The following RALA variants were observed in gnomAD, a reference collection of about 807,000 sequenced individuals.
RALA encodes ras-related protein Ral-A.
A neutral mutation model predicts 24.0 loss-of-function variants in RALA; 5 were observed. The ratio of observed to expected loss-of-function variants is 0.21; its 90% CI spans 0.11 to 0.44. The LOEUF is 0.44. RALA is among the 20% of genes least tolerant of loss of function. RALA has a pLI of 0.99. For missense variants in RALA, 95 were observed against 241.2 expected (o/e 0.39, Z 4.01); for synonymous variants, 77 against 83.8 (o/e 0.92, Z 0.44).
chr7:39,644,827 C>T (rs1562609943), intron 1 of RALA, among the ~76,000 whole-genome samples: 1 of 152,076 alleles, frequency 6.6e-6, no homozygotes. Context: ...GTTTAAAACC[C>T]AGAAGTAATG....
intron 3 of RALA, among the ~76,000 whole-genome samples, chr7:39,693,686 C>T (rs1792871145): frequency 6.6e-6 from 1 of 152,190 alleles, no homozygotes; most frequent in Non-Finnish European, 1.5e-5. Context: ...ACAAGTACTG[C>T]ATATATTTAA....
chr7:39,642,315 C>T (rs540426892), intron 1 of RALA, among the ~76,000 whole-genome samples: 19 of 152,116 alleles, frequency 1.2e-4, no homozygotes, highest in African/African-American at 3.6e-4. Flanking sequence ...GGGTGGGAAA[C>T]GGTGGAAAGG....
At chr7:39,685,508 C>G (rs1792682679) in intron 1 of RALA, among the ~76,000 whole-genome samples, 1 of 152,100 alleles carries the variant, frequency 6.6e-6, no homozygotes, top group Non-Finnish European at 1.5e-5. Context: ...TTGCTTGGAT[C>G]TCCACACACG....
At chr7:39,637,236 A>G (rs778680651) in intron 1 of RALA, among the ~76,000 whole-genome samples, 6 of 152,212 alleles carry the variant, frequency 3.9e-5, no homozygotes, top group Non-Finnish European at 7.3e-5. Flanking sequence ...TGCTAGGTTT[A>G]ATCCTATATT....
chr7:39,646,823 A>G (rs1583713628), intron 1 of RALA, among the ~76,000 whole-genome samples: 1 of 152,274 alleles, frequency 6.6e-6, no homozygotes, highest in Admixed American at 6.5e-5. Flanking sequence ...GTATATATTT[A>G]CTTTTCAGCC....
At chr7:39,676,197 G>A (rs1459369237) in intron 1 of RALA, among the ~76,000 whole-genome samples, 2 of 152,064 alleles carry the variant, frequency 1.3e-5, no homozygotes, top group Admixed American at 1.3e-4. Context: ...GGATGGTCTC[G>A]ATCTCCTGAC....
intron 1 of RALA, among the ~76,000 whole-genome samples, chr7:39,657,970 C>A (rs1376711860): frequency 1.3e-5 from 2 of 152,162 alleles, no homozygotes; most frequent in Non-Finnish European, 2.9e-5. Flanking sequence ...ACCCACTAAG[C>A]CCCTTAAAGA....
At chr7:39,653,270 C>T (rs987393849) in intron 1 of RALA, among the ~76,000 whole-genome samples, 4 of 151,384 alleles carry the variant, frequency 2.6e-5, no homozygotes, top group East Asian at 3.9e-4. Context: ...CCTTATCATC[C>T]GCCTGCATCA....
intron 1 of RALA, among the ~76,000 whole-genome samples, chr7:39,634,038 A>G (rs1791644708): frequency 6.6e-6 from 1 of 151,908 alleles, no homozygotes; most frequent in Non-Finnish European, 1.5e-5. Context: ...CTGTCATTCT[A>G]TTGTTTTCTC....
chr7:39,677,363 G>A (rs949345982), intron 1 of RALA, among the ~76,000 whole-genome samples: 4 of 147,230 alleles, frequency 2.7e-5, no homozygotes, highest in African/African-American at 1.0e-4. Flanking sequence ...TTTCATCCAT[G>A]TCCCTACAAA....
intron 1 of RALA, among the ~76,000 whole-genome samples, chr7:39,646,410 G>A (rs1250222362): frequency 6.6e-6 from 1 of 152,188 alleles, no homozygotes; most frequent in Non-Finnish European, 1.5e-5. Flanking sequence ...TAAGGTGGGA[G>A]GATTGCTTGA....
At chr7:39,682,536 T>C (rs1302089386) in intron 1 of RALA, among the ~76,000 whole-genome samples, 1 of 152,254 alleles carries the variant, frequency 6.6e-6, no homozygotes, top group African/African-American at 2.4e-5. Flanking sequence ...CCTTCAAGGC[T>C]TTTTGTGATT....
chr7:39,689,320 A>C (rs1266554440), intron 2 of RALA, among the ~76,000 whole-genome samples: 1 of 152,198 alleles, frequency 6.6e-6, no homozygotes, highest in Non-Finnish European at 1.5e-5. Context: ...ATGAATGACT[A>C]AGCACATTAA....
intron 1 of RALA, among the ~76,000 whole-genome samples, chr7:39,672,467 T>A (rs746308594): frequency 6.6e-5 from 10 of 152,200 alleles, no homozygotes; most frequent in Non-Finnish European, 1.3e-4. Flanking sequence ...ACAGCCACTT[T>A]GAAAAACATT....
chr7:39,665,915 T>C (rs1046816458), intron 1 of RALA, among the ~76,000 whole-genome samples: 1 of 152,082 alleles, frequency 6.6e-6, no homozygotes, highest in African/African-American at 2.4e-5. Context: ...AAGCTTGATA[T>C]GGCTCAATTT....
intron 1 of RALA, among the ~76,000 whole-genome samples, chr7:39,640,280 AC>A (rs1320831318): frequency 1.3e-5 from 2 of 151,946 alleles, no homozygotes; most frequent in African/African-American, 4.8e-5. Flanking sequence ...CAAGGGATCC[AC>A]CCGCCTTGGC....
chr7:39,675,377 G>A (rs1268727225), intron 1 of RALA, among the ~76,000 whole-genome samples: 1 of 152,164 alleles, frequency 6.6e-6, no homozygotes, highest in African/African-American at 2.4e-5. Flanking sequence ...TTTGGAGCAT[G>A]TCCGATCTTC....
rs138802076 is a variant in RALA, at chr7:39,676,845, C to T, written c.-37-9786C>T. On this transcript the variant is annotated intron_variant, in intron 1 of 4. Coordinates refer to ENST00000005257, the MANE Select transcript of RALA (RefSeq NM_005402.4). Reference sequence around the variant, plus strand: ...GAGTCTGGATTGGAGATCTGTGGTCCGAAGCTCCTTGACCCACTTTCCTGT... The same window carrying T: ...GAGTCTGGATTGGAGATCTGTGGTCTGAAGCTCCTTGACCCACTTTCCTGT... Among the ~76,000 whole-genome samples the T allele has an allele frequency of 4.4e-3, 664 of 152,100 alleles. 4 individuals are homozygous for T. Among genetic ancestry groups the T allele is most frequent in the African/African-American group, 0.014 (561 of 41,474 alleles).
At chr7:39,678,023 T>C (rs1237189427) in intron 1 of RALA, among the ~76,000 whole-genome samples, 3 of 139,308 alleles carry the variant, frequency 2.2e-5, no homozygotes, top group Non-Finnish European at 4.6e-5. Flanking sequence ...AAGGGGAATA[T>C]CACACTCTGG....
Sources: allele counts gnomAD v4.1 joint callset (sites outside exome capture counted in the v4.1 genomes callset), GRCh38; gene constraint gnomAD v4.1.1; transcripts MANE v1.5; gene names NCBI Gene and HGNC (gene_info 2026-07-23, HGNC 2026-07-21).